BBOX1: variants seen among roughly 807,000 people sequenced by gnomAD.
BBOX1 encodes gamma-butyrobetaine dioxygenase.
In BBOX1, 35 loss-of-function variants were observed where a neutral mutation model predicts 41.6. The observed-to-expected ratio is 0.84, with a 90% CI of 0.64 to 1.11. BBOX1 has a LOEUF of 1.11. Among genes scored for constraint, BBOX1 ranks in the 50% most tolerant of loss-of-function variants. The pLI, the probability that BBOX1 is intolerant of heterozygous loss-of-function variation, is 0.00. For synonymous variants in BBOX1, 163 were observed against 154.7 expected, an observed-to-expected ratio of 1.05 and a Z score of -0.40; for missense variants, 458 against 460.6, an observed-to-expected ratio of 0.99 and a Z score of 0.05.
chr11:27,042,435 C>T (rs574000435), intron 2 of BBOX1, among the ~76,000 whole-genome samples: 30 of 152,314 alleles, frequency 2.0e-4, no homozygotes, highest in South Asian at 1.9e-3. Context: ...CCACTGTAAT[C>T]TCAAACTCTT....
intron 2 of BBOX1, among the ~76,000 whole-genome samples, chr11:27,046,711 CTA>C (rs1351033919): frequency 6.6e-6 from 1 of 152,040 alleles, no homozygotes; most frequent in Non-Finnish European, 1.5e-5. Flanking sequence ...TAGCTAGGAG[CTA>C]TATATAGGAG....
At chr11:27,109,252 A>G (rs374644260) in intron 5 of BBOX1, among the ~76,000 whole-genome samples, 2 of 152,150 alleles carry the variant, frequency 1.3e-5, no homozygotes, top group African/African-American at 4.8e-5. Context: ...TAATCAGGAG[A>G]ATGAGAGGAA....
chr11:27,070,673 T>G (rs562100692), intron 4 of BBOX1, among the ~76,000 whole-genome samples: 1 of 151,426 alleles, frequency 6.6e-6, no homozygotes, highest in Non-Finnish European at 1.5e-5. Context: ...TAGGTGAGTC[T>G]CTTGAAGACA....
intron 5 of BBOX1, among the ~76,000 whole-genome samples, chr11:27,093,754 G>T (rs1858332962): frequency 6.6e-6 from 1 of 151,968 alleles, no homozygotes; most frequent in South Asian, 2.1e-4. Flanking sequence ...ATGTCTTGTG[G>T]CATGCAGATG....
chr11:27,093,392 T>G, intron 5 of BBOX1, 26 bp downstream of exon 5: 2 of 1,607,100 alleles, frequency 1.2e-6, no homozygotes, highest in Non-Finnish European at 1.7e-6. Flanking sequence ...GTTTGTATTC[T>G]GCCATCACAG....
chr11:27,065,140 G>A (rs952316715), intron 4 of BBOX1, among the ~76,000 whole-genome samples: 16 of 152,120 alleles, frequency 1.1e-4, no homozygotes, highest in African/African-American at 3.9e-4. Context: ...CCTAAGCCCA[G>A]GAATGATTAA....
At position 27,127,327 on chromosome 11, in the gene BBOX1, T is replaced by G. The variant is rs1462549049; in HGVS notation, c.1038T>G (p.Leu346=). The G allele has an allele frequency of 6.2e-7, 1 of 1,613,972 alleles. No individual in the cohort carries two copies. The highest frequency in any genetic ancestry group is 8.5e-7 in the Non-Finnish European group (1 of 1,180,008). The change falls in exon 9 of 9, where the codon CTT becomes CTG. Residue 346 remains leucine (L), a synonymous_variant. Transcript: ENST00000263182. ...TTACTTTTGATAACTGGCGCTTACT[T>G]CATGGCCGACGTAGCTATGAAGCAG... ...DVITFDNWRL[L]HGRRSYEAGT...
At chr11:27,098,558 T>G (rs1356163856) in intron 5 of BBOX1, among the ~76,000 whole-genome samples, 2 of 152,124 alleles carry the variant, frequency 1.3e-5, no homozygotes, top group Non-Finnish European at 2.9e-5. Flanking sequence ...CTACTGTTTT[T>G]TATGCTGGAC....
chr11:27,092,550 G>C (rs1056444027), intron 4 of BBOX1, among the ~76,000 whole-genome samples: 7 of 151,900 alleles, frequency 4.6e-5, no homozygotes, highest in Non-Finnish European at 7.4e-5. Flanking sequence ...AGAGCTAACG[G>C]AAAGCATTTG....
intron 2 of BBOX1, among the ~76,000 whole-genome samples, chr11:27,051,160 C>T (rs561204585): frequency 6.6e-6 from 1 of 152,214 alleles, no homozygotes; most frequent in Admixed American, 6.5e-5. Flanking sequence ...GTCAAACCAT[C>T]TTTGCATCCC....
At position 27,057,063 on chromosome 11, in the gene BBOX1, T is replaced by TAAAAAAAAAAAAAAAAAAAAAAAAAAAA. The variant is rs1459422645; in HGVS notation, c.220-138_220-137insAAAAAAAAAAAAAAAAAAAAAAAAAAAA. 124 of 149,834 alleles carry TAAAAAAAAAAAAAAAAAAAAAAAAAAAA rather than the reference T, an allele frequency of 8.3e-4. 53 individuals are homozygous for TAAAAAAAAAAAAAAAAAAAAAAAAAAAA. Among genetic ancestry groups the TAAAAAAAAAAAAAAAAAAAAAAAAAAAA allele is most frequent in the Admixed American group, 1.9e-3 (10 of 5,312 alleles). The allele number at this position is 149,834 out of a possible 1,614,324, so 9.3% of individuals were successfully genotyped here. A position where few individuals can be genotyped will look rare whatever the true frequency, so the allele number is the denominator to read the frequency against. ...CCTGGCAACAGAGGAAGACTCCGAC[T>TAAAAAAAAAAAAAAAAAAAAAAAAAAAA]TAAAAAAAAAAAAAAAAAAAAATTA... On this transcript the variant is annotated intron_variant, in intron 3 of 8. Coordinates refer to ENST00000263182, the MANE Select transcript of BBOX1 (RefSeq NM_003986.3).
intron 4 of BBOX1, among the ~76,000 whole-genome samples, chr11:27,067,516 C>T (rs1285786975): frequency 1.3e-5 from 2 of 151,874 alleles, no homozygotes; most frequent in East Asian, 3.9e-4. Context: ...AGGTGGATCA[C>T]CTGAGGTCAG....
intron 3 of BBOX1, among the ~76,000 whole-genome samples, chr11:27,056,403 A>G (rs973323739): frequency 3.9e-5 from 6 of 152,000 alleles, no homozygotes; most frequent in Non-Finnish European, 7.4e-5. Context: ...AATTACAGGT[A>G]TGGGCCACCA....
At chr11:27,102,423 C>T (rs4278476) in intron 5 of BBOX1, among the ~76,000 whole-genome samples, 23,995 of 151,860 alleles carry the variant, frequency 0.16, 2,223 homozygotes, top group Middle Eastern at 0.24. Flanking sequence ...AAAAATGGAA[C>T]GTTGCCAGCC....
rs1160889986 is a variant in BBOX1 at position 27,127,406 on chromosome 11, A to C, written c.1117A>C (p.Met373Leu). The C allele has an allele frequency of 1.2e-6, 2 of 1,613,900 alleles. No homozygotes were observed. Among genetic ancestry groups the C allele is most frequent in the Non-Finnish European group, 1.7e-6 (2 of 1,179,974 alleles). Residue 373 changes from methionine to leucine, a missense_variant, in exon 9 of 9, where the codon ATG becomes CTG. By Grantham distance (15) the Met-to-Leu change is conservative. Coordinates refer to ENST00000263182, the MANE Select transcript of BBOX1 (RefSeq NM_003986.3). ...EGAYADWDVV[M>L]SRLRILRQRV... ...AGCTTATGCTGACTGGGATGTGGTC[A>C]TGTCAAGGCTTCGTATCTTAAGGCA...
chr11:27,083,424 C>T (rs1006154359), intron 4 of BBOX1, among the ~76,000 whole-genome samples: 11 of 152,090 alleles, frequency 7.2e-5, no homozygotes, highest in African/African-American at 1.9e-4. Context: ...ATCTGGTACA[C>T]GCCCTCTTGC....
At chr11:27,123,664 A>G (rs964277823) in intron 7 of BBOX1, among the ~76,000 whole-genome samples, 2 of 152,210 alleles carry the variant, frequency 1.3e-5, no homozygotes, top group Non-Finnish European at 2.9e-5. Context: ...AACCAGCAGC[A>G]TGAACTCTAA....
chr11:27,057,227 T>G lies in BBOX1; in HGVS notation c.246T>G (p.His82Gln), dbSNP rs1857013581. 1 of 1,610,868 alleles carries G rather than the reference T, an allele frequency of 6.2e-7. No homozygotes were observed. The highest frequency in any genetic ancestry group is 1.7e-4 in the Middle Eastern group (1 of 6,052). The change falls in exon 4 of 9, where the codon CAT becomes CAG. Residue 82 changes from histidine to glutamine, a missense_variant. His to Gln is a conservative substitution (Grantham distance 24). Transcript: ENST00000263182. ...KKVYITWPDE[H>Q]YSEFQADWLK... The stretch of plus-strand genomic sequence containing the variant: ...TGTACATCACATGGCCCGATGAGCA[T>G]TACAGTGAATTCCAGGCTGATTGGC...
At chr11:27,042,051 T>C (rs1017390827) in intron 2 of BBOX1, among the ~76,000 whole-genome samples, 2 of 152,176 alleles carry the variant, frequency 1.3e-5, no homozygotes, top group African/African-American at 4.8e-5. Context: ...CTCAAGAAGG[T>C]ATATTACAGG....
Sources: allele counts gnomAD v4.1 joint callset (sites outside exome capture counted in the v4.1 genomes callset), GRCh38; gene constraint gnomAD v4.1.1; transcripts MANE v1.5; gene names NCBI Gene and HGNC (gene_info 2026-07-23, HGNC 2026-07-21).